Variants in PTPN2 observed in about 807,000 individuals in gnomAD.
The protein encoded by PTPN2 is protein tyrosine phosphatase non-receptor type 2, also known as tyrosine-protein phosphatase non-receptor type 2.
A neutral mutation model predicts 57.3 loss-of-function variants in PTPN2; 19 were observed. The ratio of observed to expected loss-of-function variants is 0.33; its 90% CI spans 0.23 to 0.49. The LOEUF is 0.49. Ranked by LOEUF, PTPN2 falls within the 20% of genes least tolerant of loss-of-function variation. The pLI is 0.99. For synonymous variants in PTPN2, 153 were observed against 164.9 expected (o/e 0.93, Z 0.55); for missense variants, 358 against 501.1 (o/e 0.71, Z 2.73).
At chr18:12,822,254 T>A (rs576461701) in intron 5 of PTPN2, among the ~76,000 whole-genome samples, 14 of 152,054 alleles carry the variant, frequency 9.2e-5, no homozygotes, top group Non-Finnish European at 2.1e-4. Context: ...AATTAGAGAC[T>A]CTCATCTTGC....
At chr18:12,874,072 T>C (rs2044377520) in intron 1 of PTPN2, among the ~76,000 whole-genome samples, 1 of 149,578 alleles carries the variant, frequency 6.7e-6, no homozygotes, top group Non-Finnish European at 1.5e-5. Flanking sequence ...GTCTGAGAAG[T>C]GAGGAGCCCC....
intron 1 of PTPN2, among the ~76,000 whole-genome samples, chr18:12,860,057 G>A (rs1431828133): frequency 1.3e-5 from 2 of 152,114 alleles, no homozygotes; most frequent in Non-Finnish European, 1.5e-5. Flanking sequence ...GGGAGGCCGA[G>A]GCGGGGAATC....
chr18:12,836,416 A>T (rs1158706247), intron 3 of PTPN2, among the ~76,000 whole-genome samples: 1 of 152,196 alleles, frequency 6.6e-6, no homozygotes, highest in Non-Finnish European at 1.5e-5. Flanking sequence ...AGGCAGGGGG[A>T]GCTACAGAAG....
intron 1 of PTPN2, among the ~76,000 whole-genome samples, chr18:12,874,407 TG>T (rs1349218648): frequency 2.5e-5 from 3 of 121,824 alleles, no homozygotes; most frequent in African/African-American, 9.5e-5. Flanking sequence ...GGGAGGGAGG[TG>T]GGGGGATCAG....
At chr18:12,870,633 C>A (rs1351986515) in intron 1 of PTPN2, among the ~76,000 whole-genome samples, 2 of 148,146 alleles carry the variant, frequency 1.4e-5, no homozygotes, top group African/African-American at 2.5e-5. Context: ...CTCAGCCTCC[C>A]GAGCAGCTGG....
chr18:12,872,568 T>C (rs1008818878), intron 1 of PTPN2, among the ~76,000 whole-genome samples: 1 of 152,190 alleles, frequency 6.6e-6, no homozygotes, highest in Non-Finnish European at 1.5e-5. Flanking sequence ...GGATTACAGG[T>C]GTAAGCCACC....
intron 8 of PTPN2, among the ~76,000 whole-genome samples, chr18:12,795,601 A>G (rs965267266): frequency 3.3e-5 from 5 of 152,090 alleles, no homozygotes; most frequent in African/African-American, 1.2e-4. Flanking sequence ...GGTCTCAGAA[A>G]TTTTGTTTCA....
chr18:12,816,850 A>C (rs1353187095), intron 6 of PTPN2, among the ~76,000 whole-genome samples: 1 of 152,214 alleles, frequency 6.6e-6, no homozygotes, highest in East Asian at 1.9e-4. Flanking sequence ...GGAATTCAAT[A>C]TTACATATGA....
intron 4 of PTPN2, among the ~76,000 whole-genome samples, chr18:12,829,059 A>G (rs1377847041): frequency 1.3e-5 from 2 of 152,098 alleles, no homozygotes; most frequent in Non-Finnish European, 2.9e-5. Context: ...CACCACACCC[A>G]GCTAATTTTT....
intron 5 of PTPN2, 64 bp downstream of exon 5, chr18:12,825,746 T>C: frequency 6.9e-7 from 1 of 1,444,886 alleles, no homozygotes; most frequent in East Asian, 2.3e-5. Context: ...TCAAATCTAA[T>C]AATAAAGAAT....
intron 2 of PTPN2, among the ~76,000 whole-genome samples, chr18:12,850,010 G>A (rs1023503436): frequency 1.3e-5 from 2 of 151,804 alleles, no homozygotes; most frequent in African/African-American, 4.8e-5. Context: ...TTGATTGATC[G>A]TGCTCGATCT....
chr18:12,879,834 CAGCTCCATG>C (rs2044611035), intron 1 of PTPN2, among the ~76,000 whole-genome samples: 1 of 152,202 alleles, frequency 6.6e-6, no homozygotes. Context: ...TTTCTTTTCC[CAGCTCCATG>C]AGCATTACCA....
intron 1 of PTPN2, among the ~76,000 whole-genome samples, chr18:12,869,329 C>A (rs917430495): frequency 3.3e-5 from 5 of 152,164 alleles, no homozygotes; most frequent in Admixed American, 1.3e-4. Context: ...GGCACACCAC[C>A]ATGCCTGGCT....
intron 2 of PTPN2, chr18:12,839,594 G>A (rs1201096552): frequency 6.6e-6 from 1 of 152,070 alleles, no homozygotes; most frequent in African/African-American, 2.4e-5. Flanking sequence ...TTTTGCATGG[G>A]ATACCACAAA....
At chr18:12,824,556 G>C (rs1030989175) in intron 5 of PTPN2, among the ~76,000 whole-genome samples, 1 of 152,118 alleles carries the variant, frequency 6.6e-6, no homozygotes, top group African/African-American at 2.4e-5. Context: ...AGTCATATGA[G>C]GCTAAACATT....
At chr18:12,819,823 G>C (rs1301605632) in intron 5 of PTPN2, among the ~76,000 whole-genome samples, 1 of 150,960 alleles carries the variant, frequency 6.6e-6, no homozygotes. Context: ...CGGGGGGTGG[G>C]GGGGATACAG....
At chr18:12,828,793 T>G (rs1033292514) in intron 4 of PTPN2, among the ~76,000 whole-genome samples, 1 of 152,226 alleles carries the variant, frequency 6.6e-6, no homozygotes, top group African/African-American at 2.4e-5. Context: ...CTTGAAATAC[T>G]GCTGCCCATT....
chr18:12,789,250 A>G (rs1308847180), downstream of PTPN2, among the ~76,000 whole-genome samples: 2 of 152,254 alleles, frequency 1.3e-5, no homozygotes, highest in East Asian at 3.8e-4. Context: ...GCTCTTGGCA[A>G]TGCTGTCCCA....
At chr18:12,872,915 G>A (rs1231949949) in intron 1 of PTPN2, among the ~76,000 whole-genome samples, 1 of 152,148 alleles carries the variant, frequency 6.6e-6, no homozygotes, top group Non-Finnish European at 1.5e-5. Context: ...GCAGGGCAAT[G>A]CTATTCCAAT....
Sources: allele counts gnomAD v4.1 joint callset (sites outside exome capture counted in the v4.1 genomes callset), GRCh38; gene constraint gnomAD v4.1.1; transcripts MANE v1.5; gene names NCBI Gene and HGNC (gene_info 2026-07-23, HGNC 2026-07-21).